Variants in ERBB4 observed in about 807,000 individuals in gnomAD.
The protein encoded by ERBB4 is erb-b2 receptor tyrosine kinase 4, also known as receptor tyrosine-protein kinase erbB-4.
A neutral mutation model predicts 158.0 loss-of-function variants in ERBB4; 42 were observed. The ratio of observed to expected loss-of-function variants is 0.27; its 90% CI spans 0.21 to 0.34. The LOEUF is 0.34. Among genes scored for constraint, ERBB4 ranks in the 10% least tolerant of loss-of-function variants. ERBB4 has a pLI of 1.00. For synonymous variants in ERBB4, 583 were observed against 558.7 expected (o/e 1.04, Z -0.61); for missense variants, 1,333 against 1,624.1 (o/e 0.82, Z 3.08).
intron 3 of ERBB4, among the ~76,000 whole-genome samples, chr2:211,853,830 A>T (rs911607819): frequency 6.6e-6 from 1 of 152,094 alleles, no homozygotes; most frequent in Non-Finnish European, 1.5e-5. Context: ...ACAAAGGAGG[A>T]CAACAATGAC....
At chr2:211,845,361 A>G (rs985330070) in intron 3 of ERBB4, among the ~76,000 whole-genome samples, 1 of 152,034 alleles carries the variant, frequency 6.6e-6, no homozygotes, top group African/African-American at 2.4e-5. Context: ...CAGTAAAGCC[A>G]TCCTAGGCAG....
intron 4 of ERBB4, among the ~76,000 whole-genome samples, chr2:211,771,191 C>T (rs1162906550): frequency 6.6e-6 from 1 of 152,222 alleles, no homozygotes; most frequent in Non-Finnish European, 1.5e-5. Flanking sequence ...AATTCAGATA[C>T]ATACCCACGA....
chr2:212,144,021 A>ACC (rs2080578759), intron 1 of ERBB4, among the ~76,000 whole-genome samples: 4 of 151,518 alleles, frequency 2.6e-5, no homozygotes, highest in South Asian at 2.1e-4. Flanking sequence ...TTCATCTCAA[A>ACC]AAAAAAAAAA....
chr2:212,412,875 C>A (rs2091536992), intron 1 of ERBB4, among the ~76,000 whole-genome samples: 1 of 152,174 alleles, frequency 6.6e-6, no homozygotes, highest in Non-Finnish European at 1.5e-5. Context: ...ACTAATTACC[C>A]AAGTTTGCTA....
chr2:211,886,685 G>C (rs548332953), intron 3 of ERBB4, among the ~76,000 whole-genome samples: 124 of 152,310 alleles, frequency 8.1e-4, no homozygotes, highest in African/African-American at 2.9e-3. Flanking sequence ...TTAGGGGCAT[G>C]TAAACAAATG....
At chr2:212,340,361 G>A (rs565162825) in intron 1 of ERBB4, among the ~76,000 whole-genome samples, 13 of 152,024 alleles carry the variant, frequency 8.6e-5, no homozygotes, top group South Asian at 8.3e-4. Context: ...TGAGTTAAGC[G>A]CATTACAGAC....
At chr2:211,517,658 G>T (rs558168908) in intron 20 of ERBB4, among the ~76,000 whole-genome samples, 3 of 152,064 alleles carry the variant, frequency 2.0e-5, no homozygotes, top group Non-Finnish European at 4.4e-5. Context: ...TCCTGGCTAG[G>T]AGAAGATGAA....
intron 16 of ERBB4, among the ~76,000 whole-genome samples, chr2:211,642,544 T>C (rs1052992449): frequency 2.6e-5 from 4 of 152,134 alleles, no homozygotes; most frequent in Admixed American, 6.6e-5. Flanking sequence ...TCTTTATCTA[T>C]GTAATGATAA....
At chr2:211,674,744 G>A (rs1050238033) in intron 13 of ERBB4, among the ~76,000 whole-genome samples, 3 of 151,988 alleles carry the variant, frequency 2.0e-5, no homozygotes, top group African/African-American at 7.2e-5. Context: ...ATAATCAAAA[G>A]CATTGTTTGC....
chr2:212,345,265 C>CAAAAAAAAGA (rs2088936356), intron 1 of ERBB4, among the ~76,000 whole-genome samples: 1 of 77,718 alleles, frequency 1.3e-5, no homozygotes, highest in Non-Finnish European at 2.6e-5. Flanking sequence ...GACTCCGTCT[C>CAAAAAAAAGA]AAAAAAAAAA....
intron 5 of ERBB4, among the ~76,000 whole-genome samples, chr2:211,735,688 T>G (rs2074576542): frequency 6.6e-6 from 1 of 151,974 alleles, no homozygotes; most frequent in Non-Finnish European, 1.5e-5. Context: ...ACTCAAATAC[T>G]CTTTAAATCT....
At chr2:212,512,084 G>A (rs1691553015) in intron 1 of ERBB4, among the ~76,000 whole-genome samples, 1 of 152,104 alleles carries the variant, frequency 6.6e-6, no homozygotes, top group African/African-American at 2.4e-5. Context: ...ATGAAATGAC[G>A]ATAATAGGCT....
chr2:211,640,921 G>A (rs929324824), intron 16 of ERBB4, among the ~76,000 whole-genome samples: 1 of 152,096 alleles, frequency 6.6e-6, no homozygotes, highest in Admixed American at 6.6e-5. Flanking sequence ...TAATAAGGCC[G>A]ATGATGCCTT....
chr2:212,481,421 G>T (rs1346797640), intron 1 of ERBB4, among the ~76,000 whole-genome samples: 3 of 151,996 alleles, frequency 2.0e-5, no homozygotes, highest in Admixed American at 6.6e-5. Context: ...GCACAAAGAG[G>T]GGTACTTTTT....
chr2:211,765,530 AG>A (rs2075530410), intron 4 of ERBB4, among the ~76,000 whole-genome samples: 1 of 152,186 alleles, frequency 6.6e-6, no homozygotes, highest in Non-Finnish European at 1.5e-5. Context: ...ATATACTAAC[AG>A]AAATGACTTA....
At chr2:211,703,788 C>G (rs1393487350) in intron 11 of ERBB4, among the ~76,000 whole-genome samples, 1 of 152,160 alleles carries the variant, frequency 6.6e-6, no homozygotes, top group African/African-American at 2.4e-5. Context: ...ACAAGTCACA[C>G]AACTCTTATC....
chr2:212,435,417 G>T (rs2092116554), intron 1 of ERBB4, among the ~76,000 whole-genome samples: 2 of 151,980 alleles, frequency 1.3e-5, no homozygotes, highest in Non-Finnish European at 1.5e-5. Context: ...AACACTTGTA[G>T]AGAGAAGAAG....
chr2:211,456,497 T>G (rs1474425787), intron 20 of ERBB4, among the ~76,000 whole-genome samples: 1 of 152,214 alleles, frequency 6.6e-6, no homozygotes, highest in East Asian at 1.9e-4. Flanking sequence ...CACTCATTTA[T>G]TCAACATTCA....
chr2:211,958,289 C>T (rs548519523), intron 2 of ERBB4, among the ~76,000 whole-genome samples: 2 of 152,208 alleles, frequency 1.3e-5, no homozygotes, highest in East Asian at 1.9e-4. Context: ...ATTCTATGGA[C>T]ATCTGTGGAT....
Sources: gnomAD v4.1 joint callset for allele counts (sites outside exome capture counted in the v4.1 genomes callset) on GRCh38, gnomAD v4.1.1 for gene constraint, MANE v1.5 for transcripts, NCBI Gene and HGNC (gene_info 2026-07-23, HGNC 2026-07-21) for gene names.